PDCD7: variants seen among roughly 807,000 people sequenced by gnomAD.
PDCD7 encodes programmed cell death 7.
Under a neutral mutation model 42.1 loss-of-function variants are expected in PDCD7, and 40 were observed. That is an observed-to-expected ratio of 0.95 (90% confidence interval 0.74 to 1.24). The LOEUF is 1.24. Ranked by LOEUF, PDCD7 falls within the 50% of genes most tolerant of loss-of-function variation. The pLI is 0.00. For missense variants in PDCD7, 644 were observed against 662.8 expected (o/e 0.97, Z 0.31); for synonymous variants, 299 against 303.3 (o/e 0.99, Z 0.15).
chr15:65,129,106 G>T lies in PDCD7; in HGVS notation c.935C>A (p.Thr312Asn), dbSNP rs747526578. 1.2e-6 allele frequency: 2 copies of T among 1,613,930 alleles called. No homozygotes were observed. The highest frequency in any genetic ancestry group is 8.5e-7 in the Non-Finnish European group (1 of 1,179,884). The change falls in exon 2 of 5, where the codon ACC becomes AAC. Residue 312 changes from threonine (T) to asparagine (N), a missense_variant. Physicochemically the swap from Thr to Asn is moderately conservative, Grantham distance 65. Transcript: ENST00000204549. ...CCGTAGAATGTCCACCATTCTTTTG[G>T]TATCTGCTTGTTTTTTCCTCACTTC... ...LSEVRKKQAD[T>N]KRMVDILRAL...
At chr15:65,128,894 T>C in intron 2 of PDCD7, 138 bp downstream of exon 2, 2 of 971,304 alleles carry the variant, frequency 2.1e-6, no homozygotes, top group East Asian at 2.4e-5. Flanking sequence ...TCTGACCTAC[T>C]TGCTGACAAG....
chr15:65,122,771 A>G, intron 2 of PDCD7, among the ~76,000 whole-genome samples: 1 of 152,196 alleles, frequency 6.6e-6, no homozygotes, highest in East Asian at 1.9e-4. Context: ...TGGGAGGCTG[A>G]GACGGGTGGA....
intron 2 of PDCD7, among the ~76,000 whole-genome samples, chr15:65,122,965 G>A (rs925390347): frequency 4.6e-5 from 7 of 150,886 alleles, no homozygotes; most frequent in Non-Finnish European, 4.4e-5. Flanking sequence ...TCGCACCACG[G>A]CACTCCAGCC....
chr15:65,128,332 T>G (rs1424395750), intron 2 of PDCD7, among the ~76,000 whole-genome samples: 1 of 152,214 alleles, frequency 6.6e-6, no homozygotes, highest in African/African-American at 2.4e-5. Context: ...TGGTTTTGAA[T>G]AGTGAGATCT....
intron 2 of PDCD7, among the ~76,000 whole-genome samples, 184 bp downstream of exon 2, chr15:65,128,848 G>C (rs770873591): frequency 7.2e-5 from 11 of 152,202 alleles, no homozygotes; most frequent in South Asian, 4.1e-4. Flanking sequence ...GGCTACCACA[G>C]GCTAAACATC....
chr15:65,128,981 A>AGAGTAAAGAAGGGGAAGGGAAC, intron 2 of PDCD7, 51 bp downstream of exon 2: 2 of 1,596,646 alleles, frequency 1.3e-6, no homozygotes, highest in Non-Finnish European at 1.7e-6. Context: ...GGGAGGAGCT[A>AGAGTAAAGAAGGGGAAGGGAAC]GAGTAAAGAA....
Position 65,132,474 on chromosome 15 carries a change from A to C in PDCD7, c.870+438T>G, listed in dbSNP as rs547074030. ...ACCATCTTGGCCAGGCTGGTCTTGA[A>C]CTCCTGACCTCGTGATCCACCCGCC... is the stretch of plus-strand genomic sequence containing the variant. On this transcript the variant is annotated intron_variant, in intron 1 of 4. Coordinates refer to ENST00000204549, the MANE Select transcript of PDCD7 (RefSeq NM_005707.2). Among the ~76,000 whole-genome samples the C allele has an allele frequency of 2.5e-3, 380 of 150,712 alleles. 6 individuals are homozygous for C. Among genetic ancestry groups the C allele is most frequent in the Non-Finnish European group, 4.9e-4 (33 of 67,586 alleles).
intron 2 of PDCD7, among the ~76,000 whole-genome samples, chr15:65,128,100 A>G (rs1279640192): frequency 6.6e-6 from 1 of 152,234 alleles, no homozygotes; most frequent in Middle Eastern, 3.2e-3. Context: ...TAAGGGTCTA[A>G]AAGAATCCCA....
In PDCD7 at chr15:65,133,647, G is replaced by C. The variant is rs532963509; in HGVS notation, c.135C>G (p.Pro45=). 7.9e-7 allele frequency: 1 copy of C among 1,259,388 alleles called. No homozygotes were observed. Among genetic ancestry groups the C allele is most frequent in the Non-Finnish European group, 1.0e-6 (1 of 997,844 alleles). 78.0% of individuals were successfully genotyped at this position (1,259,388 alleles called of 1,614,324 possible). ...GGGCGGAGGCCCCCGGAAAAGGGCC[G>C]GGCCGCTGGGGGAGAGGCGGCGGGA... is the stretch of plus-strand genomic sequence containing the variant. The part of the protein sequence containing the change: ...PAFPPPLPQR[P]GPFPGASAPF... Residue 45 remains proline, a synonymous_variant, in exon 1 of 5, where the codon CCC becomes CCG. Coordinates refer to ENST00000204549, the MANE Select transcript of PDCD7 (RefSeq NM_005707.2).
Position 65,133,476 on chromosome 15 carries a change from G to T in PDCD7, c.306C>A (p.Asp102Glu), listed in dbSNP as rs1320853993. Reference sequence around the variant, plus strand: ...GCGGTGGCCGCGGCCGCTCGCCGGCGTCGGTCCCCGGGAAGGGCCGACACT... The same window carrying T: ...GCGGTGGCCGCGGCCGCTCGCCGGCTTCGGTCCCCGGGAAGGGCCGACACT... ...PPQCRPFPGT[D>E]AGERPRPPPP... The change falls in exon 1 of 5, where the codon GAC (aspartate) becomes GAA (glutamate). Residue 102 changes from aspartate (D) to glutamate (E), a missense_variant. By Grantham distance (45) the Asp-to-Glu change is conservative. Coordinates refer to ENST00000204549, the MANE Select transcript of PDCD7 (RefSeq NM_005707.2). The T allele has an allele frequency of 1.5e-4, 181 of 1,219,168 alleles. No individual in the cohort carries two copies. The highest frequency in any genetic ancestry group is 1.8e-4 in the Non-Finnish European group (174 of 980,126). 75.5% of individuals were successfully genotyped at this position (1,219,168 alleles called of 1,614,324 possible).
chr15:65,131,365 A>G (rs980489905), intron 1 of PDCD7, among the ~76,000 whole-genome samples: 40 of 152,206 alleles, frequency 2.6e-4, no homozygotes, highest in African/African-American at 9.4e-4. Flanking sequence ...GGTGAGTTGT[A>G]TAATTATTTC....
chr15:65,125,845 G>T (rs984058932), intron 2 of PDCD7, among the ~76,000 whole-genome samples: 1 of 152,168 alleles, frequency 6.6e-6, no homozygotes, highest in Admixed American at 6.5e-5. Flanking sequence ...TATAAAAGAG[G>T]TTTAATTGAC....
chr15:65,125,081 C>G (rs1230848619), intron 2 of PDCD7, among the ~76,000 whole-genome samples: 2 of 152,220 alleles, frequency 1.3e-5, no homozygotes, highest in Non-Finnish European at 2.9e-5. Context: ...CCAGAGAAAA[C>G]AGGCCAGCAG....
Position 65,133,512 on chromosome 15 carries a change from A to C in PDCD7, c.270T>G (p.Pro90=), listed in dbSNP as rs959542193. 1 of 1,226,708 alleles carries C rather than the reference A, an allele frequency of 8.2e-7. No individual in the cohort carries two copies. The highest frequency in any genetic ancestry group is 1.6e-5 in the African/African-American group (1 of 64,048). The allele number at this position is 1,226,708 out of a possible 1,614,324, so 76.0% of individuals were successfully genotyped here. A position where few individuals can be genotyped will look rare whatever the true frequency, so the allele number is the denominator to read the frequency against. Residue 90 remains proline (P), a synonymous_variant, in exon 1 of 5, where the codon CCT becomes CCG. Transcript: ENST00000204549. ...GGAAGGGCCGACACTGGGGCGGCGG[A>C]GGAGGCAGCGGCGGTGGTGGCACCG... The part of the protein sequence containing the change: ...FYPVPPPPLP[P]PPPQCRPFPG...
chr15:65,127,877 T>C (rs780270228), intron 2 of PDCD7, among the ~76,000 whole-genome samples: 6 of 152,150 alleles, frequency 3.9e-5, no homozygotes, highest in Non-Finnish European at 8.8e-5. Flanking sequence ...GCTCTCAGGT[T>C]TTGCCTTCTA....
Position 65,118,114 on chromosome 15 carries a change from T to G in PDCD7, c.*603A>C, listed in dbSNP as rs2087422089. 1 of 152,200 alleles carries G rather than the reference T, an allele frequency of 6.6e-6. No homozygotes were observed. Among genetic ancestry groups the G allele is most frequent in the South Asian group, 2.1e-4 (1 of 4,826 alleles). 9.4% of individuals were successfully genotyped at this position (152,200 alleles called of 1,614,324 possible). Reference sequence around the variant, plus strand: ...CTCTTCAGGTTTTCTAAGTTCTCCATCTGAATAATAAGACTAGGCCACCAT... The same window carrying G: ...CTCTTCAGGTTTTCTAAGTTCTCCAGCTGAATAATAAGACTAGGCCACCAT... On this transcript the variant is annotated 3_prime_UTR_variant, in exon 5 of 5. Coordinates refer to ENST00000204549, the MANE Select transcript of PDCD7 (RefSeq NM_005707.2).
intron 1 of PDCD7, among the ~76,000 whole-genome samples, chr15:65,132,522 T>C (rs1184335433): frequency 6.6e-6 from 1 of 152,142 alleles, no homozygotes; most frequent in Non-Finnish European, 1.5e-5. Context: ...AGTGCTGGGA[T>C]TACAGGCGTG....
In PDCD7 at chr15:65,117,533, T is replaced by C. The variant is rs1229128584; in HGVS notation, c.*1184A>G. The C allele has an allele frequency of 6.6e-6, 1 of 151,990 alleles. No individual in the cohort carries two copies. The highest frequency in any genetic ancestry group is 6.6e-5 in the Admixed American group (1 of 15,254). 9.4% of individuals were successfully genotyped at this position (151,990 alleles called of 1,614,324 possible). ...ATTAATGAATATAAAAAATAAATTT[T>C]ACTTTTTTTTTTTTTGAGACGGAGT... On this transcript the variant is annotated 3_prime_UTR_variant, in exon 5 of 5. Transcript: ENST00000204549.
intron 1 of PDCD7, among the ~76,000 whole-genome samples, chr15:65,132,052 ATAT>A (rs2087543362): frequency 6.6e-6 from 1 of 150,532 alleles, no homozygotes; most frequent in African/African-American, 2.4e-5. Context: ...ACATACATAT[ATAT>A]ACACACATAC....
Sources: allele counts gnomAD v4.1 joint callset (sites outside exome capture counted in the v4.1 genomes callset), GRCh38; gene constraint gnomAD v4.1.1; transcripts MANE v1.5; gene names NCBI Gene and HGNC (gene_info 2026-07-23, HGNC 2026-07-21).